Variants in LCORL observed in about 807,000 individuals in gnomAD.
LCORL encodes ligand dependent nuclear receptor corepressor like.
A neutral mutation model predicts 141.8 loss-of-function variants in LCORL; 41 were observed. That is an observed-to-expected ratio of 0.29 (90% CI 0.23 to 0.38). LCORL has a LOEUF of 0.38. Ranked by LOEUF, LCORL falls within the 10% of genes least tolerant of loss-of-function variation. The pLI is 1.00. For missense variants in LCORL, 1,759 were observed against 2,035.0 expected, an observed-to-expected ratio of 0.86 and a Z score of 2.61; for synonymous variants, 618 against 694.1, an observed-to-expected ratio of 0.89 and a Z score of 1.72.
chr4:17,845,692 A>C, exon 8 of LCORL: 1 of 1,549,776 alleles, frequency 6.5e-7, no homozygotes, highest in South Asian at 1.2e-5. Flanking sequence ...TGACATACAA[A>C]ATAAAGATAG....
exon 7 of LCORL, chr4:17,876,099 A>T (rs1039813481): frequency 1.5e-5 from 19 of 1,230,920 alleles, no homozygotes; most frequent in Non-Finnish European, 1.9e-5. Context: ...CTCAGATAAA[A>T]ACATGAGTTT....
rs1724917477 is a variant in LCORL, at chr4:17,860,823, T to TA, written c.5602+12564dup. Reference sequence around the variant, plus strand: ...GAGACATTGGCCAAAACACAGGGGCTAAAGGCCCCATGCAATTCCAAAATC... The same window carrying TA: ...GAGACATTGGCCAAAACACAGGGGCTAAAAGGCCCCATGCAATTCCAAAATC... On this transcript the variant is annotated intron_variant, in intron 7 of 7. Coordinates refer to ENST00000635767, the Ensembl canonical transcript of LCORL. 2.6e-5 allele frequency among the ~76,000 whole-genome samples: 4 copies of TA among 152,326 alleles called. No homozygotes were observed. In the South Asian group the frequency reaches 8.3e-4, roughly 32 times the overall value.
At chr4:17,963,951 T>C (rs1036817610) in intron 2 of LCORL, among the ~76,000 whole-genome samples, 2 of 152,082 alleles carry the variant, frequency 1.3e-5, no homozygotes, top group Non-Finnish European at 2.9e-5. Context: ...TTGAAATACA[T>C]GATGAAGTTG....
intron 5 of LCORL, among the ~76,000 whole-genome samples, chr4:17,888,012 T>C (rs551808087): frequency 1.3e-5 from 2 of 152,222 alleles, no homozygotes; most frequent in African/African-American, 2.4e-5. Flanking sequence ...TAGGTTACTA[T>C]ACCAGTAACA....
intron 7 of LCORL, among the ~76,000 whole-genome samples, chr4:17,865,460 T>A (rs1577278199): frequency 6.6e-6 from 1 of 152,040 alleles, no homozygotes; most frequent in African/African-American, 2.4e-5. Context: ...TCCCAAAGTG[T>A]TGGAATTACA....
At position 17,962,051 on chromosome 4, in the gene LCORL, A is replaced by G. The variant is rs1298354021; in HGVS notation, c.301-19T>C. ...TACAATCCTAAAAGTATAAGAAAACAACAACATACAGAATTATTTTTTAAT... is the reference window on the plus strand; with the variant it reads ...TACAATCCTAAAAGTATAAGAAAACGACAACATACAGAATTATTTTTTAAT... On this transcript the variant is annotated intron_variant, in intron 3 of 7. Coordinates refer to ENST00000635767, the Ensembl canonical transcript of LCORL. The G allele has an allele frequency of 5.2e-6, 8 of 1,530,534 alleles. No individual in the cohort carries two copies. The highest frequency in any genetic ancestry group is 7.1e-6 in the Non-Finnish European group (8 of 1,132,258). 94.8% of individuals were successfully genotyped at this position (1,530,534 alleles called of 1,614,324 possible).
Position 17,893,359 on chromosome 4 carries a change from T to G in LCORL, c.683-7198A>C, listed in dbSNP as rs1243452038. 3 of 947,934 alleles carry G rather than the reference T, an allele frequency of 3.2e-6. No individual in the cohort carries two copies. In the East Asian group the frequency reaches 3.5e-4, roughly 109 times the overall value. 58.7% of individuals were successfully genotyped at this position (947,934 alleles called of 1,614,324 possible). On this transcript the variant is annotated intron_variant, in intron 5 of 7. Transcript: ENST00000635767. ...CACACAATATGTGATCCTTCCATAC[T>G]ATTGAGCTAAGTAAATGAATTTAAG... is the stretch of plus-strand genomic sequence containing the variant.
chr4:17,984,694 A>T (rs1446390085), intron 1 of LCORL, among the ~76,000 whole-genome samples: 3 of 151,872 alleles, frequency 2.0e-5, no homozygotes, highest in Admixed American at 2.0e-4. Context: ...TATTTTATTA[A>T]TTTTTTCAAA....
chr4:17,914,235 T>C (rs1005509095), intron 4 of LCORL, among the ~76,000 whole-genome samples: 9 of 152,216 alleles, frequency 5.9e-5, no homozygotes, highest in Non-Finnish European at 1.3e-4. Context: ...TTTTTTCAAA[T>C]CTAATCTTGC....
intron 4 of LCORL, among the ~76,000 whole-genome samples, chr4:17,921,311 G>T (rs1344205608): frequency 6.6e-6 from 1 of 152,048 alleles, no homozygotes; most frequent in African/African-American, 2.4e-5. Flanking sequence ...TACAGGCGTT[G>T]AGCCACCGCA....
At chr4:17,930,123 T>G (rs1735770891) in intron 4 of LCORL, among the ~76,000 whole-genome samples, 1 of 152,204 alleles carries the variant, frequency 6.6e-6, no homozygotes, top group East Asian at 1.9e-4. Flanking sequence ...GTGGAGGATG[T>G]GGAAAAACTG....
At chr4:17,927,133 C>T (rs1365338842) in intron 4 of LCORL, among the ~76,000 whole-genome samples, 17 of 152,212 alleles carry the variant, frequency 1.1e-4, no homozygotes, top group Admixed American at 9.8e-4. Context: ...CGTATCAGCA[C>T]TTGCTGCTTC....
chr4:17,995,241 T>C (rs1560458407), intron 1 of LCORL, among the ~76,000 whole-genome samples: 1 of 152,080 alleles, frequency 6.6e-6, no homozygotes, highest in South Asian at 2.1e-4. Flanking sequence ...TTCAGTCATT[T>C]TTTTTAGGCA....
At chr4:18,009,133 A>G (rs989448997) in intron 1 of LCORL, among the ~76,000 whole-genome samples, 1 of 152,054 alleles carries the variant, frequency 6.6e-6, no homozygotes, top group African/African-American at 2.4e-5. Context: ...ATACATTTCT[A>G]TATCTATATA....
chr4:17,855,474 A>G (rs1360197405), intron 7 of LCORL, among the ~76,000 whole-genome samples: 1 of 152,228 alleles, frequency 6.6e-6, no homozygotes, highest in African/African-American at 2.4e-5. Context: ...TCAAGAACTT[A>G]TCAATGATCA....
At chr4:17,912,678 A>C (rs1732762714) in intron 4 of LCORL, 1 of 389,452 alleles carries the variant, frequency 2.6e-6, no homozygotes, top group Non-Finnish European at 5.0e-6. Flanking sequence ...AGGGAGGTGG[A>C]GGCCTGCTAT....
At chr4:17,903,126 A>G (rs1731121795) in intron 5 of LCORL, among the ~76,000 whole-genome samples, 1 of 152,086 alleles carries the variant, frequency 6.6e-6, no homozygotes, top group Non-Finnish European at 1.5e-5. Context: ...GCGTCTGAGG[A>G]TGGTGAAGAT....
chr4:17,877,695 G>A, exon 7 of LCORL: 7 of 1,230,400 alleles, frequency 5.7e-6, no homozygotes, highest in Non-Finnish European at 6.1e-6. Context: ...AGATCTACAG[G>A]CATCTTTAAG....
chr4:17,933,608 C>T (rs1398752624), intron 4 of LCORL, among the ~76,000 whole-genome samples: 1 of 151,954 alleles, frequency 6.6e-6, no homozygotes, highest in Non-Finnish European at 1.5e-5. Context: ...TCTGCCAATG[C>T]TTCTTTTAAC....
Sources: allele counts gnomAD v4.1 joint callset (sites outside exome capture counted in the v4.1 genomes callset), GRCh38; gene constraint gnomAD v4.1.1; transcripts MANE v1.5; gene names NCBI Gene and HGNC (gene_info 2026-07-23, HGNC 2026-07-21).